ZNF41: variants seen among roughly 807,000 people sequenced by gnomAD.
ZNF41 encodes the protein zinc finger protein 41.
A neutral mutation model predicts 9.3 loss-of-function variants in ZNF41; 6 were observed. The ratio of observed to expected loss-of-function variants is 0.65; its 90% CI spans 0.35 to 1.28. The LOEUF (loss-of-function observed/expected upper bound fraction) is 1.28. Ranked by LOEUF, ZNF41 falls within the 50% of genes most tolerant of loss-of-function variation. The probability of loss-of-function intolerance (pLI) is 0.03; values close to 1 mark genes in which losing one functional copy is unlikely to be tolerated. For synonymous variants in ZNF41, 192 were observed against 207.1 expected, an observed-to-expected ratio of 0.93 and a Z score of 0.63; for missense variants, 523 against 585.8, an observed-to-expected ratio of 0.89 and a Z score of 1.11.
At chrX:47,466,529 TTCA>T (rs2056992154) in intron 2 of ZNF41, among the ~76,000 whole-genome samples, 2 of 97,091 alleles carry the variant, frequency 2.1e-5, no homozygotes, top group African/African-American at 7.3e-5. Flanking sequence ...GGGCATTTTA[TTCA>T]TCTTTTTTTT....
rs371909249 is a variant in ZNF41 at position 47,447,233 on chromosome X, TATA to T, written c.*194_*196del. 2.5e-5 allele frequency: 12 copies of T among 487,581 alleles called. 1 individual carries two copies. Among genetic ancestry groups the T allele is most frequent in the African/African-American group, 1.2e-4 (5 of 42,526 alleles). The allele number at this position is 487,581 out of a possible 1,213,427, so 40.2% of individuals were successfully genotyped here. ...GGCTCTTCCTATGCATAGAATTGCA[TATA>T]CACTGTGGTGATGCAGGAACTTGTC... is the stretch of plus-strand genomic sequence containing the variant. On this transcript the variant is annotated 3_prime_UTR_variant, in exon 5 of 5. Transcript: ENST00000684689.
At chrX:47,472,068 CTT>C (rs760103838) in intron 1 of ZNF41, among the ~76,000 whole-genome samples, 4 of 111,470 alleles carry the variant, frequency 3.6e-5, no homozygotes, top group African/African-American at 9.8e-5. Flanking sequence ...AGTACATACA[CTT>C]TGAAAAACTG....
chrX:47,472,862 A>G (rs963592627), intron 1 of ZNF41, among the ~76,000 whole-genome samples: 1 of 109,114 alleles, frequency 9.2e-6, no homozygotes, highest in Non-Finnish European at 1.9e-5. Context: ...AGCTGGGATT[A>G]CAGGCGTCTG....
chrX:47,467,530 C>T lies in ZNF41; in HGVS notation c.-49G>A. On this transcript the variant is annotated 5_prime_UTR_variant, in exon 2 of 5. Coordinates refer to ENST00000684689, the MANE Select transcript of ZNF41 (RefSeq NM_001324144.2). Reference sequence around the variant, plus strand: ...AGGCTCTCCTGCTGACAACCCCACTCTTCCCCAAGCTGGAAGCTGAGCTGG... The same window carrying T: ...AGGCTCTCCTGCTGACAACCCCACTTTTCCCCAAGCTGGAAGCTGAGCTGG... The T allele has an allele frequency of 8.6e-7, 1 of 1,160,568 alleles. No individual in the cohort carries two copies. The highest frequency in any genetic ancestry group is 1.2e-6 in the Non-Finnish European group (1 of 866,731).
intron 4 of ZNF41, 23 bp from the exon 5 acceptor site, chrX:47,449,497 G>A: frequency 8.4e-7 from 1 of 1,188,372 alleles, no homozygotes; most frequent in Non-Finnish European, 1.1e-6. Flanking sequence ...TGAAAGAAAT[G>A]AAAACGACAC....
chrX:47,474,465 A>C (rs2057278931), intron 1 of ZNF41, among the ~76,000 whole-genome samples: 1 of 109,549 alleles, frequency 9.1e-6, no homozygotes, highest in Non-Finnish European at 1.9e-5. Context: ...CTCCATCTCA[A>C]AAAAAAAAAA....
At position 47,455,957 on chromosome X, in the gene ZNF41, T is replaced by C. The variant is rs1370939555; in HGVS notation, c.259A>G (p.Met87Val). Residue 87 changes from methionine to valine, a missense_variant, in exon 4 of 5, where the codon ATG becomes GTG. Physicochemically the swap from Met to Val is conservative, Grantham distance 21 (BLOSUM62 1). Transcript: ENST00000684689. The part of the protein sequence containing the change: ...FKLEQGEGPW[M>V]LEGEAPHQSC... ...TGATGTGGGGCTTCCCCCTCCAGCA[T>C]CCATGGCCCCTCTCCTTGCTCCAAC... The C allele has an allele frequency of 3.3e-6, 4 of 1,209,955 alleles. No individual in the cohort carries two copies. Among genetic ancestry groups the C allele is most frequent in the Admixed American group, 4.4e-5 (2 of 45,661 alleles).
At chrX:47,480,663 T>C (rs1603006029) in intron 1 of ZNF41, among the ~76,000 whole-genome samples, 1 of 108,914 alleles carries the variant, frequency 9.2e-6, no homozygotes, top group Non-Finnish European at 1.9e-5. Flanking sequence ...ATTCACAAAT[T>C]AGTAAGAAAG....
chrX:47,449,015 A>AGAT lies in ZNF41; in HGVS notation c.752_754dup (p.His251dup), dbSNP rs765734969. ...GTGGGTGGGAGCTTGTTTGTGGCTGAGATGTTTTTCATAGTGGTCATGTTC... is the reference window on the plus strand; with the variant it reads ...GTGGGTGGGAGCTTGTTTGTGGCTGAGATGATGTTTTTCATAGTGGTCATGTTC... On this transcript the variant is annotated inframe_insertion, in exon 5 of 5. Coordinates refer to ENST00000684689, the MANE Select transcript of ZNF41 (RefSeq NM_001324144.2). The AGAT allele has an allele frequency of 7.4e-6, 9 of 1,209,577 alleles. No individual in the cohort carries two copies. The highest frequency in any genetic ancestry group is 1.0e-5 in the Non-Finnish European group (9 of 895,242).
chrX:47,476,016 G>A (rs1465492829), intron 1 of ZNF41, among the ~76,000 whole-genome samples: 1 of 111,158 alleles, frequency 9.0e-6, no homozygotes, highest in Non-Finnish European at 1.9e-5. Flanking sequence ...ATCAAGATAG[G>A]AACATATGAA....
At position 47,447,651 on chromosome X, in the gene ZNF41, T is replaced by C. The variant is rs1331238574; in HGVS notation, c.2119A>G (p.Asn707Asp). The C allele has an allele frequency of 4.1e-6, 5 of 1,211,960 alleles. No homozygotes were observed. In the South Asian group the frequency reaches 8.8e-5, roughly 21 times the overall value. ...CCAGTATGAGACTTCTGATGTATAT[T>C]GAGGCGTGACTTCCAGGTGAAGGTT... ...GKTFTWKSRL[N>D]IHQKSHTGER... Residue 707 changes from asparagine to aspartate, a missense_variant, in exon 5 of 5, where the codon AAT becomes GAT. Transcript: ENST00000684689.
chrX:47,453,078 T>C (rs1233366122), intron 4 of ZNF41, among the ~76,000 whole-genome samples: 2 of 111,987 alleles, frequency 1.8e-5, no homozygotes, highest in Middle Eastern at 4.6e-3. Flanking sequence ...TAAAAAGAAA[T>C]AGGCTCTTTT....
Position 47,449,452 on chromosome X carries a change from C to T in ZNF41, c.318G>A (p.Gln106=), listed in dbSNP as rs937879773. ...AAATTCCTCCAGGAATTCCCTGTTGCTGCATTTTCCCAATAGCCTCACCTA... is the reference window on the plus strand; with the variant it reads ...AAATTCCTCCAGGAATTCCCTGTTGTTGCATTTTCCCAATAGCCTCACCTA... ...SCSGEAIGKM[Q]QQGIPGGIFF... The change falls in exon 5 of 5, where the codon CAG becomes CAA. Residue 106 remains glutamine, a synonymous_variant. Transcript: ENST00000684689. The T allele has an allele frequency of 4.1e-6, 5 of 1,206,913 alleles. No individual in the cohort carries two copies. Among genetic ancestry groups the T allele is most frequent in the Admixed American group, 2.2e-5 (1 of 45,342 alleles).
In ZNF41 at chrX:47,449,262, T is replaced by C; in HGVS notation, c.508A>G (p.Lys170Glu). ...ACATGAATTATTTTTTCAATGTTTT[T>C]ATGTTCATAGCCCCTCTCCTTAATC... ...VLIKERGYEH[K>E]NIEKIIHVTT... Residue 170 changes from lysine (K) to glutamate (E), a missense_variant, in exon 5 of 5, where the codon AAA becomes GAA. Transcript: ENST00000684689. 1 of 1,211,559 alleles carries C rather than the reference T, an allele frequency of 8.3e-7. No individual in the cohort carries two copies. Among genetic ancestry groups the C allele is most frequent in the Non-Finnish European group, 1.1e-6 (1 of 895,385 alleles).
chrX:47,469,310 C>CAAAAAAAAAAA (rs749426044), intron 1 of ZNF41, among the ~76,000 whole-genome samples: 19 of 35,930 alleles, frequency 5.3e-4, no homozygotes, highest in African/African-American at 1.8e-3. Context: ...GACTCCGTCT[C>CAAAAAAAAAAA]AAAAAAAAAA....
At chrX:47,475,243 G>A (rs1472582987) in intron 1 of ZNF41, among the ~76,000 whole-genome samples, 1 of 109,678 alleles carries the variant, frequency 9.1e-6, no homozygotes, top group Non-Finnish European at 1.9e-5. Flanking sequence ...ATTGCCACAG[G>A]TATGGAAATG....
chrX:47,469,268 G>A (rs1191354258), intron 1 of ZNF41, among the ~76,000 whole-genome samples: 5 of 80,157 alleles, frequency 6.2e-5, no homozygotes, highest in South Asian at 7.6e-4. Flanking sequence ...CCGAGATCCC[G>A]CCACTGCACT....
Position 47,456,054 on chromosome X carries a change from A to T in ZNF41, c.200-38T>A. 2 of 1,171,484 alleles carry T rather than the reference A, an allele frequency of 1.7e-6. 1 individual carries two copies. Among genetic ancestry groups the T allele is most frequent in the South Asian group, 3.6e-5 (2 of 56,020 alleles). ...CATGATACACGATTGGGTCCAGCTG[A>T]TTGGGTTTCAGGGGCCTTTCAGTGA... On this transcript the variant is annotated intron_variant, in intron 3 of 4. Transcript: ENST00000684689.
Position 47,456,541 on chromosome X carries a change from G to A in ZNF41, c.73-143C>T, listed in dbSNP as rs149450321. ...AGTACTTAGTTTTGTATTTTATTTT[G>A]TGAGAGCTAAAAAACTTATTAAAGT... On this transcript the variant is annotated intron_variant, in intron 2 of 4. Coordinates refer to ENST00000684689, the MANE Select transcript of ZNF41 (RefSeq NM_001324144.2). 2.8e-3 allele frequency: 2,413 copies of A among 848,734 alleles called. 6 individuals are homozygous for A. The highest frequency in any genetic ancestry group is 3.7e-3 in the Non-Finnish European group (2,222 of 608,104). The allele number at this position is 848,734 out of a possible 1,213,427, so 69.9% of individuals were successfully genotyped here. A position where few individuals can be genotyped will look rare whatever the true frequency, so the allele number is the denominator to read the frequency against.
Sources: allele counts gnomAD v4.1 joint callset (sites outside exome capture counted in the v4.1 genomes callset), GRCh38; gene constraint gnomAD v4.1.1; transcripts MANE v1.5; gene names NCBI Gene and HGNC (gene_info 2026-07-23, HGNC 2026-07-21).